The following PCDHGA1 variants were observed in gnomAD, a reference collection of about 807,000 sequenced individuals.
PCDHGA1 encodes the protein protocadherin gamma-A1.
A neutral mutation model predicts 58.0 loss-of-function variants in PCDHGA1; 32 were observed. The ratio of observed to expected loss-of-function variants is 0.55; its 90% CI spans 0.42 to 0.74. PCDHGA1 has a LOEUF of 0.74. PCDHGA1 is among the 30% of genes least tolerant of loss of function. The pLI is 0.00. For missense variants in PCDHGA1, 1,205 were observed against 1,182.3 expected, an observed-to-expected ratio of 1.02 and a Z score of -0.28; for synonymous variants, 498 against 501.1, an observed-to-expected ratio of 0.99 and a Z score of 0.08.
intron 1 of PCDHGA1, among the ~76,000 whole-genome samples, chr5:141,460,983 GTATATATATATA>G (rs59296681): frequency 7.3e-6 from 1 of 137,780 alleles, no homozygotes. Flanking sequence ...GTGTGTGTGT[GTATATATATATA>G]TGTGTATATA....
chr5:141,485,561 G>A lies in PCDHGA1; in HGVS notation c.2422-9246G>A. 1.9e-6 allele frequency: 3 copies of A among 1,613,008 alleles called. No homozygotes were observed. The highest frequency in any genetic ancestry group is 1.1e-5 in the South Asian group (1 of 91,026). ...AGAGATCGTAGATGTGAATGATCACGCCCCCCGTTTTCCGCGGCAGCAGCT... is the reference window on the plus strand; with the variant it reads ...AGAGATCGTAGATGTGAATGATCACACCCCCCGTTTTCCGCGGCAGCAGCT... On this transcript the variant is annotated intron_variant, in intron 1 of 3. Transcript: ENST00000517417. The surrounding 1 kb of genome is among the most constrained non-coding windows in gnomAD (Gnocchi z 5.7).
intron 1 of PCDHGA1, chr5:141,422,492 C>A (rs747903569): frequency 2.5e-6 from 4 of 1,613,816 alleles, no homozygotes; most frequent in African/African-American, 2.7e-5. Flanking sequence ...TACAATATAA[C>A]GTTGACAGCC....
In PCDHGA1 at chr5:141,511,086, G is replaced by A. The variant is rs2099883600; in HGVS notation, c.2709G>A (p.Leu903=). The A allele has an allele frequency of 1.2e-6, 2 of 1,614,062 alleles. No individual in the cohort carries two copies. The highest frequency in any genetic ancestry group is 2.2e-5 in the East Asian group (1 of 44,886). The change falls in exon 4 of 4, where the codon CTG becomes CTA. Residue 903 remains leucine (L), a synonymous_variant. Transcript: ENST00000517417. ...ACATCCCAGGCAGCAATGCCACACT[G>A]ACCAACGCAGCTGGCAAGCGGGATG... is the stretch of plus-strand genomic sequence containing the variant. The part of the protein sequence containing the change: ...NVYIPGSNAT[L]TNAAGKRDGK...
intron 1 of PCDHGA1, chr5:141,384,788 G>A: frequency 1.2e-6 from 2 of 1,613,236 alleles, no homozygotes; most frequent in Non-Finnish European, 1.7e-6. Context: ...CGCACGGCTC[G>A]GGCCCTGCTG....
chr5:141,424,365 T>A (rs933291305), intron 1 of PCDHGA1: 7 of 152,246 alleles, frequency 4.6e-5, no homozygotes, highest in African/African-American at 1.7e-4. Context: ...TAGATCACAT[T>A]TTTTCTTAAG....
Position 141,491,886 on chromosome 5 carries a change from G to A in PCDHGA1, c.2422-2921G>A. On this transcript the variant is annotated intron_variant, in intron 1 of 3. Coordinates refer to ENST00000517417, the MANE Select transcript of PCDHGA1 (RefSeq NM_018912.3). The surrounding 1 kb of genome is among the most constrained non-coding windows in gnomAD (Gnocchi z 6.9). ...CCAGAGTGGCCGATTAAGGGATGGG[G>A]CTCCGAGCACCGGGGGTGGTGGCGA... 6.9e-7 allele frequency: 1 copy of A among 1,445,558 alleles called. No individual in the cohort carries two copies. Among genetic ancestry groups the A allele is most frequent in the Non-Finnish European group, 9.1e-7 (1 of 1,093,458 alleles). 89.5% of individuals were successfully genotyped at this position (1,445,558 alleles called of 1,614,324 possible). A position where few individuals can be genotyped will look rare whatever the true frequency, so the allele number is the denominator to read the frequency against.
intron 1 of PCDHGA1, among the ~76,000 whole-genome samples, chr5:141,335,592 A>C (rs1756573127): frequency 6.6e-6 from 1 of 152,194 alleles, no homozygotes; most frequent in African/African-American, 2.4e-5. Flanking sequence ...GTTAACATAA[A>C]GAAGATTTGA....
chr5:141,345,834 A>G, intron 1 of PCDHGA1: 1 of 1,613,046 alleles, frequency 6.2e-7, no homozygotes, highest in Middle Eastern at 1.7e-4. Context: ...CTCGGGCCAG[A>G]ACGCCTGGCT....
At chr5:141,356,203 G>T in intron 1 of PCDHGA1, 1 of 1,607,564 alleles carries the variant, frequency 6.2e-7, no homozygotes, top group Non-Finnish European at 8.5e-7. Context: ...CAAGGTACTG[G>T]TGACAGTTCT....
chr5:141,387,559 A>G, intron 1 of PCDHGA1: 1 of 421,914 alleles, frequency 2.4e-6, no homozygotes, highest in South Asian at 5.1e-5. Flanking sequence ...TCAGTTAGGC[A>G]CACAATTATA....
intron 1 of PCDHGA1, chr5:141,421,975 G>T: frequency 6.2e-7 from 1 of 1,610,052 alleles, no homozygotes; most frequent in African/African-American, 1.3e-5. Context: ...CGTATATCGC[G>T]TGAGTGTTCC....
intron 1 of PCDHGA1, among the ~76,000 whole-genome samples, chr5:141,459,678 G>A (rs1240789253): frequency 2.0e-5 from 3 of 152,184 alleles, no homozygotes; most frequent in African/African-American, 7.2e-5. Flanking sequence ...CATGAGCAAT[G>A]CATAAAGCGT....
chr5:141,481,182 G>T (rs2099533183), intron 1 of PCDHGA1, among the ~76,000 whole-genome samples: 1 of 152,180 alleles, frequency 6.6e-6, no homozygotes, highest in Non-Finnish European at 1.5e-5. Flanking sequence ...AGCTTTATTG[G>T]GCCAGGCCCA....
chr5:141,457,495 T>C (rs2098922394), intron 1 of PCDHGA1, among the ~76,000 whole-genome samples: 1 of 152,204 alleles, frequency 6.6e-6, no homozygotes, highest in Admixed American at 6.5e-5. Context: ...GTCTAAAATG[T>C]AGGCAAAAAG....
At chr5:141,494,364 G>A (rs1461560857) in intron 1 of PCDHGA1, among the ~76,000 whole-genome samples, 1 of 152,202 alleles carries the variant, frequency 6.6e-6, no homozygotes, top group African/African-American at 2.4e-5. Context: ...TGCAGAGGAT[G>A]CTTTGTTCCC....
At chr5:141,361,796 A>T in intron 1 of PCDHGA1, 1 of 1,613,122 alleles carries the variant, frequency 6.2e-7, no homozygotes, top group Non-Finnish European at 8.5e-7. Flanking sequence ...TTAGTGGGCG[A>T]CCTCAATGAC....
chr5:141,410,119 C>T (rs1306210256), intron 1 of PCDHGA1: 2 of 1,612,822 alleles, frequency 1.2e-6, no homozygotes, highest in Middle Eastern at 1.7e-4. Flanking sequence ...ACGCAGCCCG[C>T]CAGCGCCTGC....
At chr5:141,451,526 G>T (rs896029145) in intron 1 of PCDHGA1, among the ~76,000 whole-genome samples, 1 of 152,168 alleles carries the variant, frequency 6.6e-6, no homozygotes, top group African/African-American at 2.4e-5. Flanking sequence ...GCAAGTAAAG[G>T]AGAGTGCCAG....
rs2091498902 is a variant in PCDHGA1 at position 141,388,801 on chromosome 5, A to G, written c.2421+55696A>G. The G allele has an allele frequency of 1.9e-6, 3 of 1,613,940 alleles. No homozygotes were observed. The East Asian group carries it at 6.7e-5, about 36-fold the overall frequency. On this transcript the variant is annotated intron_variant, in intron 1 of 3. Coordinates refer to ENST00000517417, the MANE Select transcript of PCDHGA1 (RefSeq NM_018912.3). Reference sequence around the variant, plus strand: ...GAAATTACTGTTTTAAATACATTAGATTTTGAAGAAGTCAAAGAATATTCC... The same window carrying G: ...GAAATTACTGTTTTAAATACATTAGGTTTTGAAGAAGTCAAAGAATATTCC...
Sources: gnomAD v4.1 joint callset for allele counts (sites outside exome capture counted in the v4.1 genomes callset) on GRCh38, gnomAD v4.1.1 for gene constraint, Gnocchi (gnomAD v3.1) non-coding constraint, MANE v1.5 for transcripts, NCBI Gene and HGNC (gene_info 2026-07-23, HGNC 2026-07-21) for gene names.